SERPINI1: variants seen among roughly 807,000 people sequenced by gnomAD.
The protein encoded by SERPINI1 is serpin family I member 1.
SERPINI1 carries 19 observed loss-of-function variants against 41.1 expected under a neutral mutation model. The ratio of observed to expected loss-of-function variants is 0.46; its 90% CI spans 0.32 to 0.68. The LOEUF (loss-of-function observed/expected upper bound fraction) is 0.68, where lower values mean the gene tolerates loss of function less well. Ranked by LOEUF, SERPINI1 falls within the 30% of genes least tolerant of loss-of-function variation. The pLI, the probability that SERPINI1 is intolerant of heterozygous loss-of-function variation, is 0.03. For missense variants in SERPINI1, 460 were observed against 479.2 expected, an observed-to-expected ratio of 0.96 and a Z score of 0.37; for synonymous variants, 138 against 156.6, an observed-to-expected ratio of 0.88 and a Z score of 0.89.
At chr3:167,749,953 G>C (rs1328346917) in intron 1 of SERPINI1, among the ~76,000 whole-genome samples, 1 of 152,154 alleles carries the variant, frequency 6.6e-6, no homozygotes, top group East Asian at 1.9e-4. Flanking sequence ...GTAGATACTG[G>C]CTGGGTGAAT....
Position 167,749,283 on chromosome 3 carries a change from A to G in SERPINI1, c.-19+13460A>G, listed in dbSNP as rs546505941. Among the ~76,000 whole-genome samples, 9 of 150,872 alleles carry G rather than the reference A, an allele frequency of 6.0e-5. No homozygotes were observed. In the East Asian group the frequency reaches 1.7e-3, roughly 29 times the overall value. ...TCCTTTTATGTCTTACCTTACCCTA[A>G]TGGGAACATTTTATTTTTTGGTTTG... On this transcript the variant is annotated intron_variant, in intron 1 of 8. Transcript: ENST00000446050.
intron 1 of SERPINI1, among the ~76,000 whole-genome samples, chr3:167,737,481 T>TA (rs888755312): frequency 5.1e-4 from 76 of 147,578 alleles, no homozygotes; most frequent in South Asian, 8.6e-4. Context: ...ATTTTGGGGG[T>TA]AAAAAAAAAA....
In SERPINI1 at chr3:167,774,156, C is replaced by T. The variant is rs1013404294; in HGVS notation, c.-18-14955C>T. On this transcript the variant is annotated intron_variant, in intron 1 of 8. Coordinates refer to ENST00000446050, the MANE Select transcript of SERPINI1 (RefSeq NM_001122752.2). ...CTCTATGAAATATAAAGTAGCAAAA[C>T]AGCATATGAAAGTTCTCATCTTCAG... 5.9e-5 allele frequency among the ~76,000 whole-genome samples: 9 copies of T among 152,076 alleles called. 1 individual carries two copies. Among genetic ancestry groups the T allele is most frequent in the Admixed American group, 5.9e-4 (9 of 15,266 alleles).
rs190071693 is a variant in SERPINI1 at position 167,814,789 on chromosome 3, G to A, written c.979+7448G>A. 1.3e-4 allele frequency among the ~76,000 whole-genome samples: 20 copies of A among 152,160 alleles called. No homozygotes were observed. In the East Asian group the frequency reaches 3.5e-3, roughly 26 times the overall value. ...TTGAATTATTGCCCAGTTCTTCTCTGGGGGAACCTAGGGTTTACTGGCCCT... is the reference window on the plus strand; with the variant it reads ...TTGAATTATTGCCCAGTTCTTCTCTAGGGGAACCTAGGGTTTACTGGCCCT... On this transcript the variant is annotated intron_variant, in intron 6 of 8. Transcript: ENST00000446050.
intron 6 of SERPINI1, among the ~76,000 whole-genome samples, chr3:167,811,397 T>G (rs1711872751): frequency 1.3e-5 from 2 of 148,582 alleles, no homozygotes; most frequent in Non-Finnish European, 3.0e-5. Context: ...AAAAAAAAAT[T>G]AAAAGACAGA....
At chr3:167,774,824 T>C (rs1165404945) in intron 1 of SERPINI1, among the ~76,000 whole-genome samples, 5 of 152,096 alleles carry the variant, frequency 3.3e-5, no homozygotes, top group Non-Finnish European at 5.9e-5. Context: ...CTGTCCCTGG[T>C]GCCCAAAAGG....
intron 1 of SERPINI1, among the ~76,000 whole-genome samples, chr3:167,740,406 T>G (rs1725638969): frequency 6.6e-6 from 1 of 152,214 alleles, no homozygotes; most frequent in Non-Finnish European, 1.5e-5. Context: ...CACCAGATAC[T>G]TAGTATCTTT....
rs369984063 is a variant in SERPINI1, at chr3:167,749,215, TTTTG to T, written c.-19+13398_-19+13401del. On this transcript the variant is annotated intron_variant, in intron 1 of 8. Coordinates refer to ENST00000446050, the MANE Select transcript of SERPINI1 (RefSeq NM_001122752.2). ...ATTTCCTCTCTTCTGTGTCTTAAAT[TTTTG>T]TTTGTGTTTTTTTGCTCTAGTTTAC... is the stretch of plus-strand genomic sequence containing the variant. Among the ~76,000 whole-genome samples, 573 of 152,288 alleles carry T rather than the reference TTTTG, an allele frequency of 3.8e-3. 3 individuals carry two copies. The highest frequency in any genetic ancestry group is 0.013 in the African/African-American group (556 of 41,552).
At chr3:167,784,040 G>A (rs1727225459) in intron 1 of SERPINI1, among the ~76,000 whole-genome samples, 1 of 152,126 alleles carries the variant, frequency 6.6e-6, no homozygotes, top group East Asian at 1.9e-4. Context: ...CTCTTTCCAG[G>A]AGTCCAGAAG....
chr3:167,757,360 A>G (rs73035360), intron 1 of SERPINI1, among the ~76,000 whole-genome samples: 5,321 of 152,268 alleles, frequency 0.035, 308 homozygotes, highest in African/African-American at 0.12. Flanking sequence ...ATGATTTTAT[A>G]AACAAACATG....
intron 5 of SERPINI1, among the ~76,000 whole-genome samples, chr3:167,806,153 T>A (rs962365581): frequency 2.0e-5 from 3 of 152,120 alleles, no homozygotes; most frequent in African/African-American, 7.2e-5. Context: ...TAAAAAAGGA[T>A]GAGTTCATTT....
intron 1 of SERPINI1, among the ~76,000 whole-genome samples, chr3:167,750,049 A>G (rs542306696): frequency 6.6e-6 from 1 of 152,354 alleles, no homozygotes; most frequent in East Asian, 1.9e-4. Flanking sequence ...TTCTGGAAAA[A>G]CTAAGTGAAT....
At chr3:167,793,525 G>A (rs1430152077) in intron 4 of SERPINI1, among the ~76,000 whole-genome samples, 1 of 150,752 alleles carries the variant, frequency 6.6e-6, no homozygotes, top group Non-Finnish European at 1.5e-5. Flanking sequence ...ATTCCTTGAA[G>A]CCAGGAGTTC....
intron 1 of SERPINI1, among the ~76,000 whole-genome samples, chr3:167,773,171 A>G (rs1726847790): frequency 1.3e-5 from 2 of 151,888 alleles, no homozygotes; most frequent in Admixed American, 6.6e-5. Flanking sequence ...ATACCAGGGC[A>G]GTGAATGCTA....
chr3:167,760,117 T>C (rs955338668), intron 1 of SERPINI1, among the ~76,000 whole-genome samples: 1 of 152,026 alleles, frequency 6.6e-6, no homozygotes, highest in African/African-American at 2.4e-5. Flanking sequence ...ATATGACTTG[T>C]TGGGGGTCAT....
At chr3:167,822,505 A>G (rs995103038) in intron 6 of SERPINI1, among the ~76,000 whole-genome samples, 13 of 152,222 alleles carry the variant, frequency 8.5e-5, no homozygotes, top group Non-Finnish European at 1.9e-4. Flanking sequence ...TACATTATGA[A>G]TCTAGAAGTC....
intron 1 of SERPINI1, among the ~76,000 whole-genome samples, chr3:167,781,377 T>C (rs995507617): frequency 6.6e-6 from 1 of 152,148 alleles, no homozygotes; most frequent in African/African-American, 2.4e-5. Flanking sequence ...TGTTTTATTT[T>C]CATGTTGAAA....
At chr3:167,786,084 T>G (rs1727294928) in intron 1 of SERPINI1, among the ~76,000 whole-genome samples, 1 of 152,242 alleles carries the variant, frequency 6.6e-6, no homozygotes. Flanking sequence ...AGCATGTTAC[T>G]GTACTGAATA....
intron 1 of SERPINI1, among the ~76,000 whole-genome samples, chr3:167,771,625 T>A (rs1161013445): frequency 2.0e-5 from 3 of 152,246 alleles, no homozygotes; most frequent in African/African-American, 7.2e-5. Context: ...TGTTTAACTT[T>A]TTTTTTAGTT....
Sources: gnomAD v4.1 joint callset for allele counts (sites outside exome capture counted in the v4.1 genomes callset) on GRCh38, gnomAD v4.1.1 for gene constraint, MANE v1.5 for transcripts, NCBI Gene and HGNC (gene_info 2026-07-23, HGNC 2026-07-21) for gene names.